The following RAB22A variants were observed in gnomAD, a reference collection of about 807,000 sequenced individuals.
The protein encoded by RAB22A is RAB22A, member RAS oncogene family.
Under a neutral mutation model 30.2 loss-of-function variants are expected in RAB22A, and 13 were observed. That is an observed-to-expected ratio of 0.43 (90% confidence interval 0.28 to 0.68). RAB22A has a LOEUF of 0.68. RAB22A is among the 30% of genes least tolerant of loss of function. The pLI is 0.18. For missense variants in RAB22A, 177 were observed against 246.8 expected, an observed-to-expected ratio of 0.72 and a Z score of 1.89; for synonymous variants, 89 against 87.2, an observed-to-expected ratio of 1.02 and a Z score of -0.11.
rs1024965301 is a variant in RAB22A at position 58,366,501 on chromosome 20, C to T, written c.*6798C>T. 1 of 152,080 alleles carries T rather than the reference C, an allele frequency of 6.6e-6. No homozygotes were observed. The highest frequency in any genetic ancestry group is 2.4e-5 in the African/African-American group (1 of 41,382). 9.4% of individuals were successfully genotyped at this position (152,080 alleles called of 1,614,324 possible). A position where few individuals can be genotyped will look rare whatever the true frequency, so the allele number is the denominator to read the frequency against. On this transcript the variant is annotated 3_prime_UTR_variant, in exon 7 of 7. Transcript: ENST00000244040. ...ATTCCCAACACAAAGAAAAGATAAG[C>T]GAGGTGAAGGAAATCCCAGTTACCC...
chr20:58,344,412 G>A (rs1986909342), intron 3 of RAB22A, among the ~76,000 whole-genome samples: 1 of 152,176 alleles, frequency 6.6e-6, no homozygotes, highest in Non-Finnish European at 1.5e-5. Context: ...GGGAAGGCAG[G>A]GATGGGGACA....
At chr20:58,356,127 A>G (rs547987334) in intron 6 of RAB22A, among the ~76,000 whole-genome samples, 2 of 152,160 alleles carry the variant, frequency 1.3e-5, no homozygotes, top group Non-Finnish European at 2.9e-5. Flanking sequence ...CCTGGCCAAC[A>G]TGGTGAAACC....
intron 2 of RAB22A, among the ~76,000 whole-genome samples, chr20:58,332,575 T>C (rs1986680877): frequency 1.3e-5 from 2 of 152,070 alleles, no homozygotes; most frequent in South Asian, 4.1e-4. Flanking sequence ...CAAACTGAAA[T>C]GCAAAGAGAA....
Position 58,353,260 on chromosome 20 carries a change from C to A in RAB22A, c.199-13C>A. 6.2e-7 allele frequency: 1 copy of A among 1,610,398 alleles called. No individual in the cohort carries two copies. The highest frequency in any genetic ancestry group is 8.5e-7 in the Non-Finnish European group (1 of 1,178,588). ...TTTTCCCAATTTTGTTTATTTTTCC[C>A]CCTCCTCTGCAGTTTCGTGCCTTAG... is the stretch of plus-strand genomic sequence containing the variant. On this transcript the variant is annotated splice_polypyrimidine_tract_variant and intron_variant, in intron 3 of 6. Coordinates refer to ENST00000244040, the MANE Select transcript of RAB22A (RefSeq NM_020673.3).
chr20:58,315,521 ATC>A (rs1474394984), intron 2 of RAB22A, among the ~76,000 whole-genome samples: 1 of 151,510 alleles, frequency 6.6e-6, no homozygotes, highest in Non-Finnish European at 1.5e-5. Flanking sequence ...CAGGGAGAAT[ATC>A]TGCGCAAGTG....
At chr20:58,316,708 A>G (rs955445032) in intron 2 of RAB22A, among the ~76,000 whole-genome samples, 1 of 152,186 alleles carries the variant, frequency 6.6e-6, no homozygotes, top group Non-Finnish European at 1.5e-5. Flanking sequence ...TCTGCTCACC[A>G]TAGAGCCTGT....
chr20:58,309,846 G>A lies in RAB22A; in HGVS notation c.-131G>A. On this transcript the variant is annotated 5_prime_UTR_variant, in exon 1 of 7. Coordinates refer to ENST00000244040, the MANE Select transcript of RAB22A (RefSeq NM_020673.3). ...CCGGACCTACGGCCGGAGGACGGGC[G>A]GCAGCCGCCTCTGCGCGGACCGGGG... is the stretch of plus-strand genomic sequence containing the variant. 1 of 900,792 alleles carries A rather than the reference G, an allele frequency of 1.1e-6. No individual in the cohort carries two copies. The highest frequency in any genetic ancestry group is 1.5e-6 in the Non-Finnish European group (1 of 679,078). 55.8% of individuals were successfully genotyped at this position (900,792 alleles called of 1,614,324 possible). A position where few individuals can be genotyped will look rare whatever the true frequency, so the allele number is the denominator to read the frequency against.
chr20:58,329,881 G>C (rs916890112), intron 2 of RAB22A, among the ~76,000 whole-genome samples: 2 of 152,096 alleles, frequency 1.3e-5, no homozygotes, highest in African/African-American at 4.8e-5. Context: ...CTCCAAATCT[G>C]TTGGCCCTCT....
chr20:58,339,971 A>G (rs1282920122), intron 2 of RAB22A, among the ~76,000 whole-genome samples: 1 of 152,116 alleles, frequency 6.6e-6, no homozygotes, highest in Non-Finnish European at 1.5e-5. Flanking sequence ...TCTCACCCTG[A>G]ATCCAGGTGT....
chr20:58,325,937 G>A (rs1447736766), intron 2 of RAB22A, among the ~76,000 whole-genome samples: 2 of 152,104 alleles, frequency 1.3e-5, no homozygotes, highest in East Asian at 3.9e-4. Context: ...AGAGGAATGA[G>A]TTAAATCTGT....
Position 58,339,627 on chromosome 20 carries a change from A to G in RAB22A, c.117-4091A>G, listed in dbSNP as rs375639020. Among the ~76,000 whole-genome samples, 6 of 152,226 alleles carry G rather than the reference A, an allele frequency of 3.9e-5. No individual in the cohort carries two copies. The East Asian group carries it at 9.6e-4, about 24-fold the overall frequency. ...ACAGCTCTACTTCAAAATTGGATGC[A>G]AGTAACAAAGGACAAAGGATAGTTG... On this transcript the variant is annotated intron_variant, in intron 2 of 6. Coordinates refer to ENST00000244040, the MANE Select transcript of RAB22A (RefSeq NM_020673.3).
At chr20:58,335,527 T>C (rs1404404363) in intron 2 of RAB22A, among the ~76,000 whole-genome samples, 3 of 152,202 alleles carry the variant, frequency 2.0e-5, no homozygotes, top group African/African-American at 4.8e-5. Context: ...GTAGTATGTA[T>C]TGCCATCTGT....
Position 58,365,265 on chromosome 20 carries a change from C to T in RAB22A, c.*5562C>T, listed in dbSNP as rs1987296131. The T allele has an allele frequency of 6.6e-6, 1 of 152,210 alleles. No homozygotes were observed. Among genetic ancestry groups the T allele is most frequent in the Non-Finnish European group, 1.5e-5 (1 of 68,054 alleles). 9.4% of individuals were successfully genotyped at this position (152,210 alleles called of 1,614,324 possible). On this transcript the variant is annotated 3_prime_UTR_variant, in exon 7 of 7. Coordinates refer to ENST00000244040, the MANE Select transcript of RAB22A (RefSeq NM_020673.3). ...AATTGTCAAGGAAACCCCTCAGCAT[C>T]TAACGTCATCTTGTAGAAGAGCTGG...
At chr20:58,323,241 ATGGCAT>A (rs1360266145) in intron 2 of RAB22A, among the ~76,000 whole-genome samples, 4 of 152,042 alleles carry the variant, frequency 2.6e-5, no homozygotes, top group Non-Finnish European at 5.9e-5. Context: ...AATATGGTAA[ATGGCAT>A]TGTTTTGAAA....
chr20:58,364,622 T>C lies in RAB22A; in HGVS notation c.*4919T>C, dbSNP rs1987283369. The C allele has an allele frequency of 6.6e-6, 1 of 152,128 alleles. No individual in the cohort carries two copies. The highest frequency in any genetic ancestry group is 1.5e-5 in the Non-Finnish European group (1 of 68,022). 9.4% of individuals were successfully genotyped at this position (152,128 alleles called of 1,614,324 possible). A position where few individuals can be genotyped will look rare whatever the true frequency, so the allele number is the denominator to read the frequency against. ...TTTAGATCTGTATGGTGCCCAGTAC[T>C]CCACAAAATGCATCATAATTGAAAC... On this transcript the variant is annotated 3_prime_UTR_variant, in exon 7 of 7. Coordinates refer to ENST00000244040, the MANE Select transcript of RAB22A (RefSeq NM_020673.3).
chr20:58,328,575 C>T (rs1986608035), intron 2 of RAB22A, among the ~76,000 whole-genome samples: 1 of 152,156 alleles, frequency 6.6e-6, no homozygotes, highest in African/African-American at 2.4e-5. Flanking sequence ...CCGCCCCCCA[C>T]AATGTCATTT....
chr20:58,316,687 GACCTGCAGATTCTGCTC>G (rs1279078615), intron 2 of RAB22A, among the ~76,000 whole-genome samples: 1 of 152,158 alleles, frequency 6.6e-6, no homozygotes, highest in Non-Finnish European at 1.5e-5. Flanking sequence ...TTAAGCTCTA[GACCTGCAGATTCTGCTC>G]ACCATAGAGC....
At chr20:58,340,535 A>C (rs1277300507) in intron 2 of RAB22A, among the ~76,000 whole-genome samples, 1 of 152,184 alleles carries the variant, frequency 6.6e-6, no homozygotes, top group African/African-American at 2.4e-5. Flanking sequence ...ACAGACAGCC[A>C]CTTAGCTTGT....
At position 58,366,548 on chromosome 20, in the gene RAB22A, C is replaced by G. The variant is rs545995316; in HGVS notation, c.*6845C>G. 6.6e-6 allele frequency: 1 copy of G among 152,000 alleles called. No individual in the cohort carries two copies. Among genetic ancestry groups the G allele is most frequent in the Non-Finnish European group, 1.5e-5 (1 of 68,016 alleles). 9.4% of individuals were successfully genotyped at this position (152,000 alleles called of 1,614,324 possible). A position where few individuals can be genotyped will look rare whatever the true frequency, so the allele number is the denominator to read the frequency against. On this transcript the variant is annotated 3_prime_UTR_variant, in exon 7 of 7. Transcript: ENST00000244040. ...ACCCTCATTCAGTCCATTACACATT[C>G]GATACAGGTATCAAAATATCATAGG...
Sources: gnomAD v4.1 joint callset for allele counts (sites outside exome capture counted in the v4.1 genomes callset) on GRCh38, gnomAD v4.1.1 for gene constraint, MANE v1.5 for transcripts, NCBI Gene and HGNC (gene_info 2026-07-23, HGNC 2026-07-21) for gene names.